The following RBM41 variants were observed in gnomAD, a reference collection of about 807,000 sequenced individuals.
RBM41 encodes the protein RNA binding motif protein 41.
In RBM41, 14 loss-of-function variants were observed where a neutral mutation model predicts 30.8. The observed-to-expected ratio is 0.45, with a 90% CI of 0.30 to 0.71. The LOEUF (loss-of-function observed/expected upper bound fraction) is 0.71. Among genes scored for constraint, RBM41 ranks in the 30% least tolerant of loss-of-function variants. The probability of loss-of-function intolerance (pLI) is 0.08; values close to 1 mark genes in which losing one functional copy is unlikely to be tolerated. For synonymous variants in RBM41, 120 were observed against 110.1 expected (o/e 1.09, Z -0.56); for missense variants, 276 against 326.3 (o/e 0.85, Z 1.19).
At chrX:107,111,600 C>T (rs1001136247) in intron 5 of RBM41, among the ~76,000 whole-genome samples, 8 of 111,313 alleles carry the variant, frequency 7.2e-5, no homozygotes, top group East Asian at 2.8e-4. Flanking sequence ...TACCCATGTT[C>T]GTAGCAGCAT....
At chrX:107,114,817 G>A (rs1222399728) in intron 4 of RBM41, 1 of 113,257 alleles carries the variant, frequency 8.8e-6, no homozygotes, top group African/African-American at 3.3e-5. Flanking sequence ...TTCTGGTTAA[G>A]ACACATACTA....
At chrX:107,076,940 C>G (rs902960403) in intron 6 of RBM41, among the ~76,000 whole-genome samples, 1 of 111,661 alleles carries the variant, frequency 9.0e-6, no homozygotes, top group Non-Finnish European at 1.9e-5. Flanking sequence ...ATCTTTAAAA[C>G]CTGGATATTA....
Position 107,063,225 on chromosome X carries a change from G to A in RBM41, c.*4302C>T, listed in dbSNP as rs1167257530. Among the ~76,000 whole-genome samples, 2 of 109,538 alleles carry A rather than the reference G, an allele frequency of 1.8e-5. No homozygotes were observed. Among genetic ancestry groups the A allele is most frequent in the African/African-American group, 6.7e-5 (2 of 30,035 alleles). ...CCCTTCCCATTCCCCCCAACTCTGT[G>A]CTAGCCCTAAGCAACCACTAATCCA... On this transcript the variant is annotated 3_prime_UTR_variant, in exon 8 of 8. Transcript: ENST00000685964.
chrX:107,060,261 A>G (rs192810070), downstream of RBM41, among the ~76,000 whole-genome samples: 1 of 110,944 alleles, frequency 9.0e-6, no homozygotes, highest in East Asian at 2.8e-4. Context: ...GTGAAAAAAA[A>G]AAAAGAAAAT....
At position 107,115,836 on chromosome X, in the gene RBM41, A is replaced by C. The variant is rs190525444; in HGVS notation, c.318+26T>G. 40 of 1,140,094 alleles carry C rather than the reference A, an allele frequency of 3.5e-5. No homozygotes were observed. In the African/African-American group the frequency reaches 5.0e-4, roughly 14 times the overall value. 94.0% of individuals were successfully genotyped at this position (1,140,094 alleles called of 1,213,427 possible). ...TCTGTTTCTTTGAGGAGAAAAACCA[A>C]CAAAAAAAAACATTACCCCACTCAC... On this transcript the variant is annotated intron_variant, in intron 3 of 7. Coordinates refer to ENST00000685964, the MANE Select transcript of RBM41 (RefSeq NM_001324242.2).
chrX:107,063,323 T>C lies in RBM41; in HGVS notation c.*4204A>G, dbSNP rs1328546467. 1.8e-5 allele frequency among the ~76,000 whole-genome samples: 2 copies of C among 112,076 alleles called. No individual in the cohort carries two copies. The highest frequency in any genetic ancestry group is 6.5e-5 in the African/African-American group (2 of 30,865). ...GTATCATATAATATGTAGTCTTTTG[T>C]GACTGGCTTCTTGCACTGAGCATAT... On this transcript the variant is annotated 3_prime_UTR_variant, in exon 8 of 8. Transcript: ENST00000685964.
At chrX:107,076,777 T>C (rs1936244543) in intron 6 of RBM41, among the ~76,000 whole-genome samples, 1 of 111,591 alleles carries the variant, frequency 9.0e-6, no homozygotes, top group African/African-American at 3.3e-5. Flanking sequence ...TAGCATTAGT[T>C]ATATCCTTTA....
chrX:107,088,317 TC>T, intron 6 of RBM41, 118 bp downstream of exon 6: 1 of 701,551 alleles, frequency 1.4e-6, no homozygotes, highest in South Asian at 2.7e-5. Context: ...ACAAACACAA[TC>T]ACTGTGCCTA....
intron 6 of RBM41, among the ~76,000 whole-genome samples, chrX:107,086,737 T>A (rs1418296588): frequency 8.9e-6 from 1 of 112,063 alleles, no homozygotes; most frequent in African/African-American, 3.2e-5. Context: ...AGAAAAAGTC[T>A]GGCATATGTG....
chrX:107,088,991 A>T (rs1922284471), intron 5 of RBM41, 152 bp from the exon 6 acceptor site: 7 of 844,793 alleles, frequency 8.3e-6, no homozygotes. Context: ...GTAAATAGTT[A>T]TCTTATTATA....
In RBM41 at chrX:107,064,659, C is replaced by T. The variant is rs1473620284; in HGVS notation, c.*2868G>A. On this transcript the variant is annotated 3_prime_UTR_variant, in exon 8 of 8. Transcript: ENST00000685964. ...AGGGCATGCTTTGCATGATTTCAGT[C>T]TACTTATATTTATTAAGGCTTGTTT... 1 of 111,879 alleles carries T rather than the reference C, an allele frequency of 8.9e-6. No homozygotes were observed. Among genetic ancestry groups the T allele is most frequent in the Non-Finnish European group, 1.9e-5 (1 of 53,179 alleles). The allele number at this position is 111,879 out of a possible 1,213,427, so 9.2% of individuals were successfully genotyped here.
rs59436196 is a variant in RBM41 at position 107,095,149 on chromosome X, C to CAAAAA, written c.596-6315_596-6311dup. ...GAAGGTTCCAGACAGTATAAGGAGG[C>CAAAAA]AAAAAAAAAAAAAAAAAAATCCTCC... On this transcript the variant is annotated intron_variant, in intron 5 of 7. Transcript: ENST00000685964. Among the ~76,000 whole-genome samples the CAAAAA allele has an allele frequency of 1.0e-3, 51 of 51,056 alleles. 1 individual carries two copies. Among genetic ancestry groups the CAAAAA allele is most frequent in the African/African-American group, 2.9e-3 (49 of 16,736 alleles). 44.3% of individuals were successfully genotyped at this position (51,056 alleles called of 115,157 possible).
At chrX:107,088,328 A>G (rs1226002143) in intron 6 of RBM41, 108 bp downstream of exon 6, 1 of 763,035 alleles carries the variant, frequency 1.3e-6, no homozygotes, top group Non-Finnish European at 1.9e-6. Flanking sequence ...CACTGTGCCT[A>G]TATCATGATT....
chrX:107,115,764 G>A (rs1332281380), intron 3 of RBM41, 98 bp downstream of exon 3: 2 of 1,022,765 alleles, frequency 2.0e-6, no homozygotes, highest in Non-Finnish European at 2.6e-6. Context: ...AGTTTTGTGA[G>A]AACTAGAAAT....
intron 6 of RBM41, among the ~76,000 whole-genome samples, chrX:107,072,316 T>C (rs1251849508): frequency 9.0e-6 from 1 of 110,991 alleles, no homozygotes; most frequent in African/African-American, 3.3e-5. Context: ...GGATACAAAA[T>C]CAACACACAA....
intron 6 of RBM41, among the ~76,000 whole-genome samples, chrX:107,076,676 G>T (rs1936239898): frequency 9.0e-6 from 1 of 110,960 alleles, no homozygotes; most frequent in Non-Finnish European, 1.9e-5. Context: ...ATATTGTATT[G>T]TACACTTAAA....
chrX:107,108,080 T>G (rs1170220346), intron 5 of RBM41, among the ~76,000 whole-genome samples: 3 of 111,665 alleles, frequency 2.7e-5, no homozygotes, highest in Non-Finnish European at 5.7e-5. Context: ...CATATACAAG[T>G]GCTGTGGACA....
chrX:107,110,839 A>G (rs898533149), intron 5 of RBM41, among the ~76,000 whole-genome samples: 1 of 111,436 alleles, frequency 9.0e-6, no homozygotes, highest in Non-Finnish European at 1.9e-5. Context: ...AAAACTGAAT[A>G]TCAACATGAA....
chrX:107,104,953 G>A (rs1281314701), intron 5 of RBM41, among the ~76,000 whole-genome samples: 2 of 110,432 alleles, frequency 1.8e-5, no homozygotes, highest in Non-Finnish European at 3.8e-5. Context: ...TTTGAAAACT[G>A]GCACAAGACA....
Sources: gnomAD v4.1 joint callset for allele counts (sites outside exome capture counted in the v4.1 genomes callset) on GRCh38, gnomAD v4.1.1 for gene constraint, MANE v1.5 for transcripts, NCBI Gene and HGNC (gene_info 2026-07-23, HGNC 2026-07-21) for gene names.